The following ZNF710 variants were observed in gnomAD, a reference collection of about 807,000 sequenced individuals.
The protein encoded by ZNF710 is zinc finger protein 710.
In ZNF710, 13 loss-of-function variants were observed where a neutral mutation model predicts 50.6. The ratio of observed to expected loss-of-function variants is 0.26; its 90% CI spans 0.17 to 0.41. ZNF710 has a LOEUF of 0.41. ZNF710 is among the 10% of genes least tolerant of loss of function. ZNF710 has a pLI of 1.00. For missense variants in ZNF710, 721 were observed against 936.6 expected, an observed-to-expected ratio of 0.77 and a Z score of 3.01; for synonymous variants, 383 against 397.0, an observed-to-expected ratio of 0.96 and a Z score of 0.42.
intron 1 of ZNF710, among the ~76,000 whole-genome samples, chr15:90,045,581 C>G (rs1461483039): frequency 6.6e-6 from 1 of 151,946 alleles, no homozygotes; most frequent in Non-Finnish European, 1.5e-5. Context: ...CCTGTGAGCT[C>G]AGAGAGGGTT....
Position 90,067,898 on chromosome 15 carries a change from T to G in ZNF710, c.761T>G (p.Phe254Cys), listed in dbSNP as rs760833482. The change falls in exon 2 of 5, where the codon TTC becomes TGC. Residue 254 changes from phenylalanine (F) to cysteine (C), a missense_variant. Transcript: ENST00000268154. This position sits in a 1 kb window ranked among gnomAD's most constrained non-coding sequence, Gnocchi z 8.1. ...TTCGTGTGGCAGGAGGCCAGTGAGT[T>G]CGAGGCTGACACGGCGGGTTCGACC... is the stretch of plus-strand genomic sequence containing the variant. ...QGFVWQEASE[F>C]EADTAGSTVE... 1.1e-5 allele frequency: 17 copies of G among 1,613,256 alleles called. No individual in the cohort carries two copies. The highest frequency in any genetic ancestry group is 1.4e-5 in the Non-Finnish European group (17 of 1,179,658).
chr15:90,043,958 T>G (rs951041454), intron 1 of ZNF710, among the ~76,000 whole-genome samples: 1 of 152,184 alleles, frequency 6.6e-6, no homozygotes, highest in African/African-American at 2.4e-5. Flanking sequence ...TCTTTTTTCT[T>G]TTTCTTTTTG....
At chr15:90,043,416 G>T (rs1409007790) in intron 1 of ZNF710, among the ~76,000 whole-genome samples, 1 of 152,252 alleles carries the variant, frequency 6.6e-6, no homozygotes, top group South Asian at 2.1e-4. Context: ...GCCAGGGCAG[G>T]GAGCAGCCGA....
In ZNF710 at chr15:90,016,933, G is replaced by A. The variant is rs147975036; in HGVS notation, c.-29+15319G>A. On this transcript the variant is annotated intron_variant, in intron 1 of 4. Transcript: ENST00000268154. ...CATCAGACACTTCGAGGAGGATTACGGATTGGCTCTGCAGTCCTGCCTTTG... is the reference window on the plus strand; with the variant it reads ...CATCAGACACTTCGAGGAGGATTACAGATTGGCTCTGCAGTCCTGCCTTTG... 2.6e-4 allele frequency among the ~76,000 whole-genome samples: 39 copies of A among 152,326 alleles called. No individual in the cohort carries two copies. The East Asian group carries it at 6.6e-3, about 26-fold the overall frequency.
chr15:90,065,277 C>T (rs1900131566), intron 1 of ZNF710, among the ~76,000 whole-genome samples: 1 of 152,118 alleles, frequency 6.6e-6, no homozygotes, highest in East Asian at 1.9e-4. Flanking sequence ...GAGGAAGGGC[C>T]GCCGACCGTG....
intron 1 of ZNF710, among the ~76,000 whole-genome samples, chr15:90,058,574 C>A (rs1327750528): frequency 6.6e-6 from 1 of 152,148 alleles, no homozygotes. Context: ...TGCTGGGCCC[C>A]CTCTGTTCCT....
At chr15:90,038,355 C>T (rs1014412405) in intron 1 of ZNF710, among the ~76,000 whole-genome samples, 8 of 152,214 alleles carry the variant, frequency 5.3e-5, no homozygotes, top group African/African-American at 1.9e-4. Context: ...AGTTAAGAAC[C>T]TTCGTCCAGA....
At chr15:90,039,322 T>C (rs1322988469) in intron 1 of ZNF710, among the ~76,000 whole-genome samples, 1 of 151,746 alleles carries the variant, frequency 6.6e-6, no homozygotes, top group African/African-American at 2.4e-5. Flanking sequence ...TGATTTCACC[T>C]GATGATTTCA....
chr15:90,065,765 G>C (rs1049718862), intron 1 of ZNF710, among the ~76,000 whole-genome samples: 1 of 152,206 alleles, frequency 6.6e-6, no homozygotes, highest in Non-Finnish European at 1.5e-5. Context: ...GTTAGAGGCA[G>C]GTACAGTGGC....
intron 1 of ZNF710, among the ~76,000 whole-genome samples, chr15:90,049,147 C>G (rs1055052384): frequency 6.6e-6 from 1 of 152,210 alleles, no homozygotes; most frequent in Non-Finnish European, 1.5e-5. Context: ...TTATCAGAAG[C>G]CAGCCCCCAG....
intron 1 of ZNF710, among the ~76,000 whole-genome samples, chr15:90,001,874 C>T (rs1004372873): frequency 1.6e-4 from 7 of 44,202 alleles, no homozygotes; most frequent in African/African-American, 3.6e-4. Context: ...GGAGAGATGG[C>T]GTCTGGGGTG....
intron 1 of ZNF710, among the ~76,000 whole-genome samples, chr15:90,065,653 G>T (rs951786725): frequency 6.6e-6 from 1 of 152,210 alleles, no homozygotes; most frequent in Admixed American, 6.5e-5. Flanking sequence ...CACGGAGCAG[G>T]TGCCTCCATA....
chr15:90,067,562 C>T lies in ZNF710; in HGVS notation c.425C>T (p.Ala142Val), dbSNP rs767007760. The T allele has an allele frequency of 8.7e-6, 14 of 1,610,670 alleles. No homozygotes were observed. Among genetic ancestry groups the T allele is most frequent in the South Asian group, 5.5e-5 (5 of 90,782 alleles). Reference sequence around the variant, plus strand: ...GGGCCAGCAGAAGCCCCCGCCGAGGCGGCCAGTGGCGGCTGCGACGCCCTG... The same window carrying T: ...GGGCCAGCAGAAGCCCCCGCCGAGGTGGCCAGTGGCGGCTGCGACGCCCTG... The part of the protein sequence containing the change: ...DAGPAEAPAE[A>V]ASGGCDALVQ... The change falls in exon 2 of 5, where the codon GCG becomes GTG. Residue 142 changes from alanine (A) to valine (V), a missense_variant. Physicochemically the swap from Ala to Val is moderately conservative, Grantham distance 64 (BLOSUM62 0). This residue lies in a region of ZNF710 where 326 missense variants were observed against 347.1 expected (regional missense o/e 0.94). Transcript: ENST00000268154. This position sits in a 1 kb window ranked among gnomAD's most constrained non-coding sequence, Gnocchi z 8.1.
chr15:90,050,332 C>T (rs1899600093), intron 1 of ZNF710, among the ~76,000 whole-genome samples: 1 of 152,164 alleles, frequency 6.6e-6, no homozygotes, highest in African/African-American at 2.4e-5. Context: ...GGCTTGTGCC[C>T]AGGCCATACT....
rs116007115 is a variant in ZNF710 at position 90,044,603 on chromosome 15, C to G, written c.-28-22507C>G. Among the ~76,000 whole-genome samples the G allele has an allele frequency of 3.5e-3, 540 of 152,330 alleles. 3 individuals carry two copies. The highest frequency in any genetic ancestry group is 0.012 in the African/African-American group (482 of 41,574). ...GGGATTTCAAAATGTCACCTGGGAG[C>G]TATAGAGAATTTTCACTCAGGTTTT... On this transcript the variant is annotated intron_variant, in intron 1 of 4. Transcript: ENST00000268154.
chr15:90,043,231 C>T (rs929794264), intron 1 of ZNF710, among the ~76,000 whole-genome samples: 1 of 152,242 alleles, frequency 6.6e-6, no homozygotes, highest in Non-Finnish European at 1.5e-5. Context: ...CACTGAGAAC[C>T]CCCTCATCTG....
chr15:90,009,403 T>G (rs1249965668), intron 1 of ZNF710, among the ~76,000 whole-genome samples: 1 of 152,056 alleles, frequency 6.6e-6, no homozygotes, highest in Non-Finnish European at 1.5e-5. Flanking sequence ...GTGGCTCCAT[T>G]CTGTAGCTGC....
chr15:90,066,536 G>A (rs1023781277), intron 1 of ZNF710, among the ~76,000 whole-genome samples: 1 of 143,298 alleles, frequency 7.0e-6, no homozygotes, highest in East Asian at 2.1e-4. Context: ...GGAGTGCAGT[G>A]GCGCGATCTC....
At chr15:90,006,662 T>C (rs1368433855) in intron 1 of ZNF710, 1 of 153,152 alleles carries the variant, frequency 6.5e-6, no homozygotes, top group Non-Finnish European at 1.5e-5. Flanking sequence ...CCACCTGCAG[T>C]GTGGATGAAG....
Sources: allele counts gnomAD v4.1 joint callset (sites outside exome capture counted in the v4.1 genomes callset), GRCh38; gene constraint gnomAD v4.1.1; regional missense constraint gnomAD v4.1.1; non-coding constraint Gnocchi (gnomAD v3.1); transcripts MANE v1.5; gene names NCBI Gene and HGNC (gene_info 2026-07-23, HGNC 2026-07-21).